Variants in YPEL2 observed in about 807,000 individuals in gnomAD.
YPEL2 encodes the protein protein yippee-like 2.
In YPEL2, 2 loss-of-function variants were observed where a neutral mutation model predicts 19.1. The observed-to-expected ratio is 0.10, with a 90% CI of 0.04 to 0.33. The LOEUF (loss-of-function observed/expected upper bound fraction) is 0.33. YPEL2 is among the 10% of genes least tolerant of loss of function. YPEL2 has a pLI of 1.00. For synonymous variants in YPEL2, 52 were observed against 50.0 expected, an observed-to-expected ratio of 1.04 and a Z score of -0.17; for missense variants, 66 against 140.7, an observed-to-expected ratio of 0.47 and a Z score of 2.68.
At chr17:59,337,507 A>G (rs1234451792) in intron 1 of YPEL2, among the ~76,000 whole-genome samples, 1 of 151,918 alleles carries the variant, frequency 6.6e-6, no homozygotes, top group East Asian at 1.9e-4. Flanking sequence ...TTCTTTTAGA[A>G]CCTAATGTCT....
intron 1 of YPEL2, among the ~76,000 whole-genome samples, chr17:59,341,100 A>G (rs1420201922): frequency 6.8e-6 from 1 of 146,102 alleles, no homozygotes; most frequent in African/African-American, 2.5e-5. Context: ...TGAGGCGGGC[A>G]GATAGCCTGA....
At chr17:59,390,486 TAAATGTTCCTAA>T (rs1333252344) in intron 4 of YPEL2, among the ~76,000 whole-genome samples, 1 of 152,224 alleles carries the variant, frequency 6.6e-6, no homozygotes, top group Non-Finnish European at 1.5e-5. Flanking sequence ...GATACTCCAA[TAAATGTTCCTAA>T]AACACCTAGG....
At chr17:59,370,748 C>CACAGACGAAGGG (rs1555571038) in intron 2 of YPEL2, among the ~76,000 whole-genome samples, 32 of 151,652 alleles carry the variant, frequency 2.1e-4, no homozygotes, top group Non-Finnish European at 3.5e-4. Context: ...AGCCATGGCA[C>CACAGACGAAGGG]ACAGAGGAGG....
At chr17:59,393,023 G>C (rs1319363180) in intron 4 of YPEL2, among the ~76,000 whole-genome samples, 1 of 152,178 alleles carries the variant, frequency 6.6e-6, no homozygotes, top group Non-Finnish European at 1.5e-5. Flanking sequence ...GTTCAATGCT[G>C]GGAAGCAGTA....
At chr17:59,389,043 C>A in intron 3 of YPEL2, 1 of 369,830 alleles carries the variant, frequency 2.7e-6, no homozygotes, top group Non-Finnish European at 5.1e-6. Flanking sequence ...CTGTGGACTT[C>A]ACAGTGTGGC....
chr17:59,341,666 A>G (rs995168908), intron 1 of YPEL2, among the ~76,000 whole-genome samples: 8 of 152,214 alleles, frequency 5.3e-5, no homozygotes, highest in Non-Finnish European at 1.0e-4. Context: ...CTCAGGAAAA[A>G]AAAAAGTTAT....
intron 4 of YPEL2, among the ~76,000 whole-genome samples, chr17:59,395,211 G>A (rs988552790): frequency 1.0e-4 from 12 of 119,220 alleles, no homozygotes; most frequent in East Asian, 8.0e-4. Context: ...GTGTATACAC[G>A]CATGTGTGCA....
chr17:59,353,350 C>T lies in YPEL2; in HGVS notation c.-60C>T. ...TGTCTTCCGGTGTTTCCCGTGCGAC[C>T]CATCCTGTGGGAGTGCCTCGTGGGC... On this transcript the variant is annotated 5_prime_UTR_variant, in exon 2 of 5. Coordinates refer to ENST00000312655, the MANE Select transcript of YPEL2 (RefSeq NM_001005404.4). The surrounding 1 kb of genome is among the most constrained non-coding windows in gnomAD (Gnocchi z 4.8). 7.8e-7 allele frequency: 1 copy of T among 1,285,466 alleles called. No homozygotes were observed. The highest frequency in any genetic ancestry group is 1.1e-6 in the Non-Finnish European group (1 of 916,852). The allele number at this position is 1,285,466 out of a possible 1,614,324, so 79.6% of individuals were successfully genotyped here.
intron 1 of YPEL2, among the ~76,000 whole-genome samples, chr17:59,348,195 C>T (rs2047766531): frequency 6.6e-6 from 1 of 152,214 alleles, no homozygotes; most frequent in South Asian, 2.1e-4. Flanking sequence ...TTCCAGTCTT[C>T]ACCTCCTCTC....
At chr17:59,362,654 G>A (rs1262201730) in intron 2 of YPEL2, 2 of 152,110 alleles carry the variant, frequency 1.3e-5, no homozygotes, top group Non-Finnish European at 2.9e-5. Flanking sequence ...TCATAAGACT[G>A]GTTTGTATAT....
intron 2 of YPEL2, among the ~76,000 whole-genome samples, chr17:59,370,829 C>G (rs139606206): frequency 9.2e-5 from 14 of 152,274 alleles, no homozygotes; most frequent in African/African-American, 3.1e-4. Context: ...ACTCCCTTCT[C>G]TGCTGAAACC....
rs2147931544 is a variant in YPEL2 at position 59,334,909 on chromosome 17, C to T, written c.-196+3085C>T. ...AAAGGATGGCAAGGGATAAGATGTC[C>T]CAGGATTGGAAAAGCCAGAAGGAAG... On this transcript the variant is annotated intron_variant, in intron 1 of 4. Coordinates refer to ENST00000312655, the MANE Select transcript of YPEL2 (RefSeq NM_001005404.4). Among the ~76,000 whole-genome samples, 2 of 152,108 alleles carry T rather than the reference C, an allele frequency of 1.3e-5. 1 individual carries two copies. Among genetic ancestry groups the T allele is most frequent in the South Asian group, 4.2e-4 (2 of 4,810 alleles).
At chr17:59,390,157 T>C (rs1222158398) in intron 4 of YPEL2, among the ~76,000 whole-genome samples, 1 of 152,070 alleles carries the variant, frequency 6.6e-6, no homozygotes, top group Non-Finnish European at 1.5e-5. Context: ...CGCGTCACCA[T>C]GCCTGGCTTA....
intron 1 of YPEL2, among the ~76,000 whole-genome samples, chr17:59,338,909 G>GA (rs2147933439): frequency 6.6e-6 from 1 of 152,292 alleles, no homozygotes; most frequent in East Asian, 1.9e-4. Flanking sequence ...AACAACCCCT[G>GA]AAAAACTGTT....
intron 2 of YPEL2, among the ~76,000 whole-genome samples, chr17:59,378,179 C>T (rs2047931549): frequency 6.6e-6 from 1 of 152,094 alleles, no homozygotes; most frequent in South Asian, 2.1e-4. Flanking sequence ...TCTCTCTGTC[C>T]CATTCCCTAG....
At chr17:59,371,554 T>C (rs2047897612) in intron 2 of YPEL2, among the ~76,000 whole-genome samples, 1 of 152,220 alleles carries the variant, frequency 6.6e-6, no homozygotes, top group African/African-American at 2.4e-5. Context: ...AGCCAGGCTC[T>C]GTCTCTGCAG....
chr17:59,364,053 T>C (rs966953660), intron 2 of YPEL2, among the ~76,000 whole-genome samples: 2 of 152,220 alleles, frequency 1.3e-5, no homozygotes, highest in African/African-American at 4.8e-5. Flanking sequence ...ATTTGGAAAT[T>C]AATGACTGTC....
At chr17:59,347,509 T>C (rs1196156851) in intron 1 of YPEL2, among the ~76,000 whole-genome samples, 2 of 152,156 alleles carry the variant, frequency 1.3e-5, no homozygotes, top group Non-Finnish European at 2.9e-5. Context: ...CCTTTTTAAA[T>C]AGACAACACT....
chr17:59,365,689 A>T (rs1212780547), intron 2 of YPEL2, among the ~76,000 whole-genome samples: 2 of 152,172 alleles, frequency 1.3e-5, no homozygotes, highest in Admixed American at 1.3e-4. Context: ...TGCTGAGAGG[A>T]GGGTTTGACC....
Sources: gnomAD v4.1 joint callset for allele counts (sites outside exome capture counted in the v4.1 genomes callset) on GRCh38, gnomAD v4.1.1 for gene constraint, Gnocchi (gnomAD v3.1) non-coding constraint, MANE v1.5 for transcripts, NCBI Gene and HGNC (gene_info 2026-07-23, HGNC 2026-07-21) for gene names.